Variants in EYS observed in about 807,000 individuals in gnomAD.
EYS encodes the protein EGF-like photoreceptor maintenance factor.
EYS carries 250 observed loss-of-function variants against 282.1 expected under a neutral mutation model. The observed-to-expected ratio is 0.89, with a 90% confidence interval of 0.80 to 0.98. The LOEUF (loss-of-function observed/expected upper bound fraction) is 0.98. Ranked by LOEUF, EYS falls within the 50% of genes least tolerant of loss-of-function variation. The probability of loss-of-function intolerance (pLI) is 0.00; values close to 1 mark genes in which losing one functional copy is unlikely to be tolerated. For missense variants in EYS, 4,016 were observed against 3,709.0 expected (o/e 1.08, Z -2.15); for synonymous variants, 1,355 against 1,282.9 (o/e 1.06, Z -1.20).
chr6:65,691,152 G>T (rs116562471), intron 1 of EYS, among the ~76,000 whole-genome samples: 1 of 150,050 alleles, frequency 6.7e-6, no homozygotes, highest in Non-Finnish European at 1.5e-5. Flanking sequence ...TTGAGAAATC[G>T]CCATTCTGCC....
Position 64,066,468 on chromosome 6 carries a change from G to T in EYS, c.6595C>A (p.Gln2199Lys), listed in dbSNP as rs1212231432. ...LYSNGNNCGK[Q>K]FLHLFLVEGR... Reference sequence around the variant, plus strand: ...TCCACAAGAAATAAATGAAGAAACTGCTTTCCACAATTATTCCCATTACCT... The same window carrying T: ...TCCACAAGAAATAAATGAAGAAACTTCTTTCCACAATTATTCCCATTACCT... The change falls in exon 33 of 43, where the codon CAG becomes AAG. Residue 2199 changes from glutamine to lysine, a missense_variant. Transcript: ENST00000503581. 1.3e-6 allele frequency: 2 copies of T among 1,542,638 alleles called. No homozygotes were observed. The highest frequency in any genetic ancestry group is 2.4e-5 in the East Asian group (1 of 40,850).
intron 15 of EYS, among the ~76,000 whole-genome samples, chr6:64,934,312 T>C (rs10806496): frequency 0.31 from 46,452 of 151,630 alleles, 8,611 homozygotes; most frequent in Admixed American, 0.43. Context: ...TCTACTCACA[T>C]ATGAGTTCCA....
intron 12 of EYS, among the ~76,000 whole-genome samples, chr6:65,261,317 A>G (rs977978653): frequency 6.6e-6 from 1 of 151,948 alleles, no homozygotes; most frequent in Non-Finnish European, 1.5e-5. Flanking sequence ...ACACAAACAT[A>G]TATATGTCTG....
At chr6:64,480,854 A>G (rs937871367) in intron 26 of EYS, among the ~76,000 whole-genome samples, 2 of 151,760 alleles carry the variant, frequency 1.3e-5, no homozygotes, top group Admixed American at 1.3e-4. Context: ...TTTGCTGGAC[A>G]TCAGGTTAAA....
intron 2 of EYS, among the ~76,000 whole-genome samples, chr6:65,588,190 T>C (rs1765118845): frequency 6.6e-6 from 1 of 152,076 alleles, no homozygotes; most frequent in African/African-American, 2.4e-5. Flanking sequence ...GAATAAATTC[T>C]CTTGCCACAT....
intron 26 of EYS, among the ~76,000 whole-genome samples, chr6:64,459,972 A>C (rs558337798): frequency 6.6e-6 from 1 of 151,768 alleles, no homozygotes; most frequent in African/African-American, 2.4e-5. Context: ...ACAAAACCCC[A>C]AAAACTAGTG....
At chr6:65,225,184 A>G (rs947634512) in intron 12 of EYS, among the ~76,000 whole-genome samples, 2 of 151,406 alleles carry the variant, frequency 1.3e-5, no homozygotes, top group South Asian at 2.1e-4. Context: ...TGTATAATAT[A>G]TAGAAAAATA....
At chr6:64,512,289 G>A (rs1022743194) in intron 26 of EYS, among the ~76,000 whole-genome samples, 1 of 152,034 alleles carries the variant, frequency 6.6e-6, no homozygotes, top group Non-Finnish European at 1.5e-5. Flanking sequence ...TCACTGCAAA[G>A]CATCACCAAC....
At position 64,794,445 on chromosome 6, in the gene EYS, G is replaced by T. The variant is rs577229137; in HGVS notation, c.3443+18933C>A. Among the ~76,000 whole-genome samples, 13 of 152,214 alleles carry T rather than the reference G, an allele frequency of 8.5e-5. No individual in the cohort carries two copies. In the South Asian group the frequency reaches 2.5e-3, roughly 29 times the overall value. On this transcript the variant is annotated intron_variant, in intron 22 of 42. Transcript: ENST00000503581. ...GAGTTTTCACAAGATCTGGTTGTTT[G>T]AAAGTGTGGAGCACCTCCCCCTTCT... is the stretch of plus-strand genomic sequence containing the variant.
chr6:64,422,084 C>G (rs1316037904), intron 28 of EYS, among the ~76,000 whole-genome samples: 1 of 152,032 alleles, frequency 6.6e-6, no homozygotes, highest in African/African-American at 2.4e-5. Flanking sequence ...AATTATCTAG[C>G]CCCAGTATCA....
At chr6:64,598,804 C>T (rs968545660) in intron 24 of EYS, among the ~76,000 whole-genome samples, 2 of 152,092 alleles carry the variant, frequency 1.3e-5, no homozygotes, top group African/African-American at 2.4e-5. Context: ...TAATTAATAT[C>T]AATTAGTGAT....
intron 22 of EYS, among the ~76,000 whole-genome samples, chr6:64,766,039 CTT>C (rs997973049): frequency 2.0e-5 from 3 of 150,866 alleles, no homozygotes; most frequent in Admixed American, 6.6e-5. Flanking sequence ...TGAAATCCCC[CTT>C]TTTTTTTGTA....
At chr6:64,578,935 T>C (rs1287258835) in intron 26 of EYS, among the ~76,000 whole-genome samples, 5 of 152,106 alleles carry the variant, frequency 3.3e-5, no homozygotes, top group Admixed American at 2.6e-4. Context: ...AAGTGACAAC[T>C]TGTCATACTG....
intron 22 of EYS, among the ~76,000 whole-genome samples, chr6:64,628,569 G>T (rs1033304915): frequency 3.3e-5 from 5 of 152,024 alleles, no homozygotes; most frequent in African/African-American, 1.2e-4. Flanking sequence ...CATCACACCT[G>T]CCTAATTTTT....
At chr6:64,950,792 C>CATACATATATAT (rs1419966413) in intron 14 of EYS, among the ~76,000 whole-genome samples, 24 of 60,890 alleles carry the variant, frequency 3.9e-4, no homozygotes, top group African/African-American at 1.0e-3. Flanking sequence ...TACACATATA[C>CATACATATATAT]ATATACATAT....
chr6:65,593,218 C>G (rs2127369369), intron 2 of EYS, among the ~76,000 whole-genome samples: 1 of 152,106 alleles, frequency 6.6e-6, no homozygotes, highest in Admixed American at 6.6e-5. Context: ...TCTTTTAAAA[C>G]AAACTCCTAT....
At chr6:65,177,071 T>A (rs1469393953) in intron 12 of EYS, among the ~76,000 whole-genome samples, 1 of 151,816 alleles carries the variant, frequency 6.6e-6, no homozygotes, top group Non-Finnish European at 1.5e-5. Context: ...AAACATAACA[T>A]TAATTTGTGA....
intron 26 of EYS, among the ~76,000 whole-genome samples, chr6:64,458,268 TC>T (rs2070482097): frequency 1.3e-5 from 2 of 152,094 alleles, no homozygotes; most frequent in African/African-American, 4.8e-5. Context: ...CTTGTACTAG[TC>T]AGTTTTATAC....
intron 12 of EYS, among the ~76,000 whole-genome samples, chr6:65,194,632 G>A (rs1765720552): frequency 6.6e-6 from 1 of 151,834 alleles, no homozygotes; most frequent in African/African-American, 2.4e-5. Context: ...TTCTCACTTT[G>A]TGTTAAGGCC....
Sources: gnomAD v4.1 joint callset for allele counts (sites outside exome capture counted in the v4.1 genomes callset) on GRCh38, gnomAD v4.1.1 for gene constraint, MANE v1.5 for transcripts, NCBI Gene and HGNC (gene_info 2026-07-23, HGNC 2026-07-21) for gene names.